Variants in HECTD4 observed in about 807,000 individuals in gnomAD.
HECTD4 encodes the protein HECT domain E3 ubiquitin protein ligase 4.
A neutral mutation model predicts 471.5 loss-of-function variants in HECTD4; 114 were observed. The observed-to-expected ratio is 0.24, with a 90% confidence interval of 0.21 to 0.28. The LOEUF is 0.28. Among genes scored for constraint, HECTD4 ranks in the 10% least tolerant of loss-of-function variants. The probability of loss-of-function intolerance (pLI) is 1.00; values close to 1 mark genes in which losing one functional copy is unlikely to be tolerated. For synonymous variants in HECTD4, 2,012 were observed against 2,256.0 expected (o/e 0.89, Z 3.07); for missense variants, 3,866 against 5,651.5 (o/e 0.68, Z 10.13).
Position 112,163,668 on chromosome 12 carries a change from C to T in HECTD4, c.12771G>A (p.Glu4257=). 1.3e-6 allele frequency: 2 copies of T among 1,533,222 alleles called. No individual in the cohort carries two copies. Among genetic ancestry groups the T allele is most frequent in the South Asian group, 1.2e-5 (1 of 81,948 alleles). The allele number at this position is 1,533,222 out of a possible 1,614,324, so 95.0% of individuals were successfully genotyped here. A position where few individuals can be genotyped will look rare whatever the true frequency, so the allele number is the denominator to read the frequency against. Residue 4257 remains glutamate (E), a synonymous_variant, in exon 74 of 76, where the codon GAG becomes GAA. Transcript: ENST00000682272. This position sits in a 1 kb window ranked among gnomAD's most constrained non-coding sequence, Gnocchi z 8.2. The part of the protein sequence containing the change: ...SLRLRELQNV[E]CVTAVRAGLG... The stretch of plus-strand genomic sequence containing the variant: ...GGCCGGCCCGCACGGCCGTCACGCA[C>T]TCCACATTCTGCAGCTCCCGCAGCC...
intron 11 of HECTD4, among the ~76,000 whole-genome samples, 190 bp from the exon 12 acceptor site, chr12:112,270,649 T>C (rs536934277): frequency 6.2e-4 from 95 of 152,332 alleles, no homozygotes; most frequent in African/African-American, 1.9e-3. Context: ...GGGAGTTCAT[T>C]TGTTTGGAAC....
In HECTD4 at chr12:112,162,991, G is replaced by A. The variant is rs2030753253; in HGVS notation, c.13120+51C>T. 1 of 1,411,068 alleles carries A rather than the reference G, an allele frequency of 7.1e-7. No individual in the cohort carries two copies. Among genetic ancestry groups the A allele is most frequent in the African/African-American group, 1.4e-5 (1 of 70,906 alleles). 87.4% of individuals were successfully genotyped at this position (1,411,068 alleles called of 1,614,324 possible). A position where few individuals can be genotyped will look rare whatever the true frequency, so the allele number is the denominator to read the frequency against. ...GGCCTGGCAGCCCCAGTTCCAAACA[G>A]AGAAAGGCTAGTGTGTCCCTACTTG... On this transcript the variant is annotated intron_variant, in intron 75 of 75. Transcript: ENST00000682272. The surrounding 1 kb of genome is among the most constrained non-coding windows in gnomAD (Gnocchi z 5.2).
At chr12:112,264,826 G>A (rs1258216035) in intron 16 of HECTD4, among the ~76,000 whole-genome samples, 4 of 152,104 alleles carry the variant, frequency 2.6e-5, no homozygotes, top group Admixed American at 6.5e-5. Flanking sequence ...GTGCGGTGGC[G>A]CGATCTCAGC....
chr12:112,215,650 T>C (rs2032897957), intron 48 of HECTD4, among the ~76,000 whole-genome samples: 1 of 152,166 alleles, frequency 6.6e-6, no homozygotes, highest in African/African-American at 2.4e-5. Context: ...TCTCTCTCTC[T>C]GTTTTTTGAG....
intron 62 of HECTD4, among the ~76,000 whole-genome samples, chr12:112,182,482 A>C (rs1468513792): frequency 1.3e-5 from 2 of 152,118 alleles, no homozygotes; most frequent in Non-Finnish European, 2.9e-5. Context: ...TCGGAGAAAA[A>C]AGGGACGGAA....
Position 112,273,795 on chromosome 12 carries a change from C to T in HECTD4, c.1802G>A (p.Gly601Glu), listed in dbSNP as rs763301903. The change falls in exon 11 of 76, where the codon GGA (glycine) becomes GAA (glutamate). Residue 601 changes from glycine to glutamate, a missense_variant and splice_region_variant. Gly to Glu is a moderately conservative substitution (Grantham distance 98). Coordinates refer to ENST00000682272, the MANE Select transcript of HECTD4 (RefSeq NM_001388303.1). ...GTTGTTCACTGTGTCATAACACGCT[C>T]CTGCAAAAAGAGCATACTGTATTCA... is the stretch of plus-strand genomic sequence containing the variant. ...LGRGALVPGL[G>E]ACYDTVNNML... 1.2e-6 allele frequency: 2 copies of T among 1,612,742 alleles called. No individual in the cohort carries two copies. Among genetic ancestry groups the T allele is most frequent in the Admixed American group, 1.7e-5 (1 of 59,792 alleles).
intron 34 of HECTD4, among the ~76,000 whole-genome samples, chr12:112,238,242 G>T (rs979250621): frequency 3.3e-5 from 5 of 151,794 alleles, no homozygotes; most frequent in African/African-American, 1.2e-4. Context: ...TTGAAACAGG[G>T]TCTCGCTCTG....
rs1207059882 is a variant in HECTD4 at position 112,184,441 on chromosome 12, C to G, written c.10525G>C (p.Val3509Leu). ...GISQTVSDLS[V>L]DPLPAGLELP... ...TCGAGGCCGGCAGGCAGCGGATCCA[C>G]AGAGAGGTCGCTGACGGTTTGGGAG... Residue 3509 changes from valine (V) to leucine (L), a missense_variant, in exon 61 of 76, where the codon GTG becomes CTG. Val to Leu is a conservative substitution (Grantham distance 32). Coordinates refer to ENST00000682272, the MANE Select transcript of HECTD4 (RefSeq NM_001388303.1). This position sits in a 1 kb window ranked among gnomAD's most constrained non-coding sequence, Gnocchi z 9.1. 3.1e-6 allele frequency: 5 copies of G among 1,606,040 alleles called. No individual in the cohort carries two copies. Among genetic ancestry groups the G allele is most frequent in the Non-Finnish European group, 2.5e-6 (3 of 1,177,320 alleles).
At chr12:112,187,668 C>A (rs2031922790) in intron 60 of HECTD4, among the ~76,000 whole-genome samples, 1 of 147,612 alleles carries the variant, frequency 6.8e-6, no homozygotes, top group Admixed American at 6.7e-5. Flanking sequence ...ACTCTGTCGC[C>A]CAGGCTGGAG....
chr12:112,308,453 C>CAAAAA, intron 6 of HECTD4, among the ~76,000 whole-genome samples: 1 of 130,604 alleles, frequency 7.7e-6, no homozygotes, highest in Non-Finnish European at 1.6e-5. Context: ...AAAACAAAAA[C>CAAAAA]AAAACAAAAA....
chr12:112,380,988 T>TA (rs2036876454), intron 1 of HECTD4, among the ~76,000 whole-genome samples: 4 of 152,134 alleles, frequency 2.6e-5, no homozygotes, highest in South Asian at 2.1e-4. Flanking sequence ...AAGCTCTCCT[T>TA]ACGGCAGTAA....
At chr12:112,274,101 G>A (rs752586548) in intron 10 of HECTD4, among the ~76,000 whole-genome samples, 10 of 152,196 alleles carry the variant, frequency 6.6e-5, no homozygotes, top group Non-Finnish European at 1.5e-4. Context: ...TAAAAACACA[G>A]GTATAATAGG....
rs1176030958 is a variant in HECTD4, at chr12:112,203,623, G to A, written c.8406+13C>T. On this transcript the variant is annotated intron_variant, in intron 54 of 75. Coordinates refer to ENST00000682272, the MANE Select transcript of HECTD4 (RefSeq NM_001388303.1). The stretch of plus-strand genomic sequence containing the variant: ...ATAAAATAGCTTATTAATCAGAATG[G>A]CTGTTCACTCACTGAATCAACATCT... 3 of 1,609,382 alleles carry A rather than the reference G, an allele frequency of 1.9e-6. No individual in the cohort carries two copies. The highest frequency in any genetic ancestry group is 2.5e-6 in the Non-Finnish European group (3 of 1,177,138).
intron 44 of HECTD4, 195 bp downstream of exon 44, chr12:112,226,448 C>A: frequency 2.3e-6 from 1 of 432,118 alleles, no homozygotes; most frequent in Non-Finnish European, 4.1e-6. Context: ...TGCTGATTTC[C>A]TAACTGGTGT....
Position 112,296,925 on chromosome 12 carries a change from G to A in HECTD4, c.1335+9139C>T, listed in dbSNP as rs565528927. Among the ~76,000 whole-genome samples the A allele has an allele frequency of 3.3e-5, 5 of 151,184 alleles. No individual in the cohort carries two copies. In the South Asian group the frequency reaches 8.4e-4, roughly 25 times the overall value. On this transcript the variant is annotated intron_variant, in intron 7 of 75. Coordinates refer to ENST00000682272, the MANE Select transcript of HECTD4 (RefSeq NM_001388303.1). ...TGCAGATGGTGTAGGTGCAGAGGGTGTAGGTGCAGTGGATCTAGGTGCAGA... is the reference window on the plus strand; with the variant it reads ...TGCAGATGGTGTAGGTGCAGAGGGTATAGGTGCAGTGGATCTAGGTGCAGA...
chr12:112,353,515 G>A (rs2036282193), intron 1 of HECTD4, among the ~76,000 whole-genome samples: 1 of 152,102 alleles, frequency 6.6e-6, no homozygotes, highest in Non-Finnish European at 1.5e-5. Flanking sequence ...ACAATGACTG[G>A]TTGAATAGAG....
chr12:112,202,771 T>C (rs964210302), intron 54 of HECTD4, among the ~76,000 whole-genome samples: 1 of 152,090 alleles, frequency 6.6e-6, no homozygotes, highest in Non-Finnish European at 1.5e-5. Flanking sequence ...AAAGAAAGCT[T>C]TGGCCTTGTC....
intron 69 of HECTD4, 75 bp downstream of exon 69, chr12:112,170,253 CTTCTT>C (rs938354665): frequency 4.2e-5 from 65 of 1,544,578 alleles, no homozygotes; most frequent in Middle Eastern, 1.7e-4. Flanking sequence ...CCTGGACCCC[CTTCTT>C]TTATGTTCCA....
intron 1 of HECTD4, among the ~76,000 whole-genome samples, chr12:112,338,346 G>A (rs921134558): frequency 1.3e-5 from 2 of 152,284 alleles, no homozygotes; most frequent in African/African-American, 2.4e-5. Flanking sequence ...ACCTGAGGCC[G>A]GGCACAGTGG....
Sources: gnomAD v4.1 joint callset for allele counts (sites outside exome capture counted in the v4.1 genomes callset) on GRCh38, gnomAD v4.1.1 for gene constraint, Gnocchi (gnomAD v3.1) non-coding constraint, MANE v1.5 for transcripts, NCBI Gene and HGNC (gene_info 2026-07-23, HGNC 2026-07-21) for gene names.